GRID2: variants seen among roughly 807,000 people sequenced by gnomAD.
GRID2 encodes glutamate receptor ionotropic, delta-2.
GRID2 carries 33 observed loss-of-function variants against 114.8 expected under a neutral mutation model. The observed-to-expected ratio is 0.29, with a 90% confidence interval of 0.22 to 0.38. The LOEUF is 0.38. Ranked by LOEUF, GRID2 falls within the 10% of genes least tolerant of loss-of-function variation. The pLI, the probability that GRID2 is intolerant of heterozygous loss-of-function variation, is 1.00. For missense variants in GRID2, 1,184 were observed against 1,257.7 expected, an observed-to-expected ratio of 0.94 and a Z score of 0.89; for synonymous variants, 505 against 449.9, an observed-to-expected ratio of 1.12 and a Z score of -1.55.
rs1056458361 is a variant in GRID2 at position 93,317,325 on chromosome 4, T to G, written c.1246-78282T>G. Among the ~76,000 whole-genome samples the G allele has an allele frequency of 0.015, 34 of 2,224 alleles. No homozygotes were observed. The East Asian group carries it at 0.48, about 31-fold the overall frequency. 1.5% of individuals were successfully genotyped at this position (2,224 alleles called of 152,430 possible). A position where few individuals can be genotyped will look rare whatever the true frequency, so the allele number is the denominator to read the frequency against. On this transcript the variant is annotated intron_variant, in intron 8 of 15. Transcript: ENST00000282020. ...AGATTCTCTTCCATTCTCCTCAGGT[T>G]TTTTTTTTTTCCTTGAAATGCTTTT... is the stretch of plus-strand genomic sequence containing the variant.
At chr4:93,376,667 C>T (rs542870344) in intron 8 of GRID2, among the ~76,000 whole-genome samples, 30 of 152,274 alleles carry the variant, frequency 2.0e-4, no homozygotes, top group African/African-American at 6.7e-4. Context: ...ATGTCCTTTT[C>T]AGGGACGTGG....
intron 8 of GRID2, among the ~76,000 whole-genome samples, chr4:93,255,704 TC>T (rs1749500415): frequency 6.6e-6 from 1 of 152,066 alleles, no homozygotes; most frequent in Non-Finnish European, 1.5e-5. Flanking sequence ...CATGTCTACT[TC>T]CCCTTTGAAC....
At chr4:93,186,588 C>G (rs760521420) in intron 4 of GRID2, among the ~76,000 whole-genome samples, 1 of 151,964 alleles carries the variant, frequency 6.6e-6, no homozygotes, top group Non-Finnish European at 1.5e-5. Context: ...AGCGAAGCAA[C>G]CTTCAATTTT....
At chr4:92,841,056 A>G (rs1226678702) in intron 2 of GRID2, among the ~76,000 whole-genome samples, 3 of 152,010 alleles carry the variant, frequency 2.0e-5, no homozygotes, top group Admixed American at 2.0e-4. Context: ...GATTTAGGAT[A>G]TGGATGGTTT....
chr4:93,266,721 G>A (rs1269626389), intron 8 of GRID2, among the ~76,000 whole-genome samples: 1 of 152,054 alleles, frequency 6.6e-6, no homozygotes, highest in East Asian at 1.9e-4. Context: ...CCTTTTCCAG[G>A]GTTTTTATAA....
chr4:92,461,829 CAGTT>C (rs1350868064), intron 1 of GRID2, among the ~76,000 whole-genome samples: 2 of 151,904 alleles, frequency 1.3e-5, no homozygotes, highest in Non-Finnish European at 2.9e-5. Flanking sequence ...ATTTTCTGCT[CAGTT>C]AGCAGGAAAT....
intron 2 of GRID2, among the ~76,000 whole-genome samples, chr4:92,655,614 A>G (rs1732185945): frequency 6.6e-6 from 1 of 151,186 alleles, no homozygotes; most frequent in Admixed American, 6.6e-5. Flanking sequence ...TTCATTTCTA[A>G]GTATTCTTTT....
chr4:92,785,196 A>G (rs1337847988), intron 2 of GRID2, among the ~76,000 whole-genome samples: 1 of 150,834 alleles, frequency 6.6e-6, no homozygotes, highest in African/African-American at 2.4e-5. Flanking sequence ...ACAGATTGAG[A>G]TTGTTTTAAA....
chr4:93,213,988 T>G (rs1171630506), intron 5 of GRID2, among the ~76,000 whole-genome samples: 2 of 152,078 alleles, frequency 1.3e-5, no homozygotes, highest in Non-Finnish European at 2.9e-5. Flanking sequence ...AAAAGTTAAG[T>G]CGCTAAAAAA....
At chr4:93,517,925 C>CA (rs1472353493) in intron 13 of GRID2, among the ~76,000 whole-genome samples, 5 of 109,280 alleles carry the variant, frequency 4.6e-5, no homozygotes, top group African/African-American at 1.2e-4. Context: ...TATGTATATA[C>CA]TATATATGTA....
rs141977942 is a variant in GRID2, at chr4:93,366,958, C to T, written c.1246-28649C>T. Among the ~76,000 whole-genome samples the T allele has an allele frequency of 6.9e-4, 104 of 151,690 alleles. No homozygotes were observed. The East Asian group carries it at 0.012, about 18-fold the overall frequency. On this transcript the variant is annotated intron_variant, in intron 8 of 15. Transcript: ENST00000282020. ...ATATATATTTAGAATAAGTATTAAGCCCCAATGTTATGCATACTCAAAGGA... is the reference window on the plus strand; with the variant it reads ...ATATATATTTAGAATAAGTATTAAGTCCCAATGTTATGCATACTCAAAGGA...
chr4:93,110,895 CTCTT>C lies in GRID2; in HGVS notation c.678_681del (p.Leu227GlyfsTer7). ...GAAGAACTGAATCGCTATCGAGACACTCTTAGGCGAGCGATCCTTGTTATGAATC... is the reference window on the plus strand; with the variant it reads ...GAAGAACTGAATCGCTATCGAGACACAGGCGAGCGATCCTTGTTATGAATC... On this transcript the variant is annotated frameshift_variant, in exon 4 of 16. Coordinates refer to ENST00000282020, the MANE Select transcript of GRID2 (RefSeq NM_001510.4). LOFTEE classifies it high-confidence loss of function. 6.2e-7 allele frequency: 1 copy of C among 1,613,046 alleles called. No homozygotes were observed. The highest frequency in any genetic ancestry group is 8.5e-7 in the Non-Finnish European group (1 of 1,179,028).
intron 8 of GRID2, among the ~76,000 whole-genome samples, chr4:93,332,124 T>C (rs1309530909): frequency 2.0e-5 from 3 of 152,070 alleles, no homozygotes; most frequent in Admixed American, 2.0e-4. Flanking sequence ...TCAACGATAG[T>C]AACTATAAGA....
chr4:93,505,362 T>C (rs970625664), intron 12 of GRID2, among the ~76,000 whole-genome samples: 1 of 151,968 alleles, frequency 6.6e-6, no homozygotes, highest in Non-Finnish European at 1.5e-5. Flanking sequence ...TTAACATAAA[T>C]TTTACAATCA....
At chr4:93,754,177 C>T (rs1732560504) in intron 14 of GRID2, among the ~76,000 whole-genome samples, 1 of 151,894 alleles carries the variant, frequency 6.6e-6, no homozygotes, top group Non-Finnish European at 1.5e-5. Flanking sequence ...CTTATGGGAC[C>T]ACTCTTATAT....
intron 10 of GRID2, among the ~76,000 whole-genome samples, chr4:93,445,426 T>A (rs773427933): frequency 2.0e-5 from 3 of 152,032 alleles, no homozygotes; most frequent in Non-Finnish European, 4.4e-5. Flanking sequence ...TAGAATATAT[T>A]CATACATAGT....
chr4:93,009,071 T>G (rs1380793485), intron 2 of GRID2, among the ~76,000 whole-genome samples: 1 of 152,132 alleles, frequency 6.6e-6, no homozygotes, highest in Non-Finnish European at 1.5e-5. Flanking sequence ...CAAAATTTTT[T>G]GGGATTTTTG....
chr4:93,056,356 A>G (rs1727245029), intron 2 of GRID2, among the ~76,000 whole-genome samples: 1 of 151,926 alleles, frequency 6.6e-6, no homozygotes, highest in Non-Finnish European at 1.5e-5. Flanking sequence ...TCACTTGATT[A>G]TAAAGCTCCT....
At chr4:92,629,976 C>T (rs1205946117) in intron 2 of GRID2, among the ~76,000 whole-genome samples, 1 of 149,532 alleles carries the variant, frequency 6.7e-6, no homozygotes, top group Non-Finnish European at 1.5e-5. Context: ...AATTTAAATG[C>T]AATGCTTATA....
Sources: allele counts gnomAD v4.1 joint callset (sites outside exome capture counted in the v4.1 genomes callset), GRCh38; gene constraint gnomAD v4.1.1; transcripts MANE v1.5; gene names NCBI Gene and HGNC (gene_info 2026-07-23, HGNC 2026-07-21).